Variants in ADCY7 observed in about 807,000 individuals in gnomAD.
ADCY7 encodes the protein adenylate cyclase type 7.
ADCY7 carries 72 observed loss-of-function variants against 120.6 expected under a neutral mutation model. That is an observed-to-expected ratio of 0.60 (90% confidence interval 0.49 to 0.73). The LOEUF is 0.73. Ranked by LOEUF, ADCY7 falls within the 30% of genes least tolerant of loss-of-function variation. The pLI is 0.00. For synonymous variants in ADCY7, 661 were observed against 628.0 expected, an observed-to-expected ratio of 1.05 and a Z score of -0.78; for missense variants, 1,227 against 1,486.0, an observed-to-expected ratio of 0.83 and a Z score of 2.87.
At chr16:50,313,648 G>A (rs1156769977) in intron 22 of ADCY7, 1 of 318,614 alleles carries the variant, frequency 3.1e-6, no homozygotes, top group African/African-American at 2.1e-5. Context: ...ATCAGTTTGG[G>A]TTGAATTCTT....
chr16:50,282,545 AG>A (rs2150911333), intron 1 of ADCY7, among the ~76,000 whole-genome samples: 1 of 152,274 alleles, frequency 6.6e-6, no homozygotes, highest in African/African-American at 2.4e-5. Flanking sequence ...TGCAAGGCAG[AG>A]GGAAGTAATT....
rs1355819061 is a variant in ADCY7, at chr16:50,297,633, A to G, written c.949-1271A>G. ...GCCAGGGATGGTTCCCAGGCTGGGC[A>G]GGTGCAGGGGACCTGGAGGCAGGGC... On this transcript the variant is annotated intron_variant, in intron 7 of 25. Coordinates refer to ENST00000673801, the MANE Select transcript of ADCY7 (RefSeq NM_001114.5). This position sits in a 1 kb window ranked among gnomAD's most constrained non-coding sequence, Gnocchi z 4.4. Among the ~76,000 whole-genome samples the G allele has an allele frequency of 5.9e-5, 9 of 152,208 alleles. No homozygotes were observed. In the South Asian group the frequency reaches 6.2e-4, roughly 11 times the overall value.
At chr16:50,268,643 C>T (rs1470353853) in intron 1 of ADCY7, among the ~76,000 whole-genome samples, 1 of 152,168 alleles carries the variant, frequency 6.6e-6, no homozygotes, top group Non-Finnish European at 1.5e-5. Flanking sequence ...GGTGGTATTG[C>T]AGAACATCTT....
Position 50,310,887 on chromosome 16 carries a change from T to C in ADCY7, c.2354+7T>C, listed in dbSNP as rs938127131. 1 of 1,582,812 alleles carries C rather than the reference T, an allele frequency of 6.3e-7. No homozygotes were observed. The highest frequency in any genetic ancestry group is 1.1e-5 in the South Asian group (1 of 87,776). On this transcript the variant is annotated splice_region_variant and intron_variant, in intron 19 of 25. Transcript: ENST00000673801. The stretch of plus-strand genomic sequence containing the variant: ...AGCCCAACGGCACCACCAGGTGGGG[T>C]CCCGCCCGTCCCCGTCCCCATCCCC...
chr16:50,293,767 G>T (rs1365779800), intron 6 of ADCY7, among the ~76,000 whole-genome samples: 2 of 152,174 alleles, frequency 1.3e-5, no homozygotes, highest in African/African-American at 4.8e-5. Context: ...CTGTAAAACT[G>T]TGTGAGCAAA....
intron 2 of ADCY7, chr16:50,289,158 C>A (rs2034776362): frequency 6.4e-6 from 2 of 314,728 alleles, no homozygotes; most frequent in Admixed American, 4.6e-5. Flanking sequence ...ACATTCCACA[C>A]TGAGCCTGTC....
At chr16:50,286,429 C>CCG in intron 1 of ADCY7, among the ~76,000 whole-genome samples, 1 of 112,340 alleles carries the variant, frequency 8.9e-6, no homozygotes, top group Non-Finnish European at 1.8e-5. Context: ...GACCCCATCT[C>CCG]AAAAAAAAAA....
At chr16:50,278,815 G>A (rs2150885817) in intron 1 of ADCY7, among the ~76,000 whole-genome samples, 1 of 151,744 alleles carries the variant, frequency 6.6e-6, no homozygotes, top group African/African-American at 2.4e-5. Flanking sequence ...CTTCAGGACA[G>A]TGGTTACTCT....
intron 7 of ADCY7, among the ~76,000 whole-genome samples, chr16:50,296,807 G>A (rs114618442): frequency 0.013 from 2,023 of 152,306 alleles, 52 homozygotes; most frequent in African/African-American, 0.046. Flanking sequence ...GCTCCCTGTT[G>A]CAGGGGGTAA....
intron 22 of ADCY7, 147 bp downstream of exon 22, chr16:50,313,183 A>G: frequency 9.3e-7 from 1 of 1,079,836 alleles, no homozygotes; most frequent in Non-Finnish European, 1.3e-6. Context: ...TTGGGAGGTC[A>G]AGGTGGGTGG....
intron 23 of ADCY7, 78 bp from the exon 24 acceptor site, chr16:50,314,211 TCAA>T (rs1390443355): frequency 6.8e-7 from 1 of 1,465,918 alleles, no homozygotes; most frequent in African/African-American, 1.4e-5. Flanking sequence ...GTGGGGATCC[TCAA>T]CAAGAGTGGC....
chr16:50,286,073 C>A (rs1001884233), intron 1 of ADCY7, among the ~76,000 whole-genome samples: 4 of 151,998 alleles, frequency 2.6e-5, no homozygotes, highest in Admixed American at 6.6e-5. Flanking sequence ...TTGCAGACAT[C>A]TGAAATTTGT....
chr16:50,292,611 G>T (rs2150972022), intron 4 of ADCY7, 65 bp from the exon 5 acceptor site: 1 of 1,583,438 alleles, frequency 6.3e-7, no homozygotes, highest in Non-Finnish European at 8.6e-7. Flanking sequence ...TCCGCCTAGG[G>T]GTCTGGTGCC....
At chr16:50,311,025 C>A in intron 19 of ADCY7, 145 bp downstream of exon 19, 1 of 859,264 alleles carries the variant, frequency 1.2e-6, no homozygotes, top group Non-Finnish European at 1.7e-6. Flanking sequence ...CGCTCAGAGC[C>A]GAGGAATTCA....
Position 50,313,015 on chromosome 16 carries a change from G to A in ADCY7, c.2730G>A (p.Glu910=). Residue 910 remains glutamate (E), a synonymous_variant, in exon 22 of 26, where the codon GAG becomes GAA. Coordinates refer to ENST00000673801, the MANE Select transcript of ADCY7 (RefSeq NM_001114.5). ...EGLECLRLLN[E]IIADFDELLL... Reference sequence around the variant, plus strand: ...TGGAGTGCCTACGCCTGCTCAATGAGATCATTGCCGACTTCGACGAGGTAC... The same window carrying A: ...TGGAGTGCCTACGCCTGCTCAATGAAATCATTGCCGACTTCGACGAGGTAC... 6.2e-7 allele frequency: 1 copy of A among 1,614,232 alleles called. No individual in the cohort carries two copies. The highest frequency in any genetic ancestry group is 8.5e-7 in the Non-Finnish European group (1 of 1,180,038).
In ADCY7 at chr16:50,314,216, A is replaced by G. The variant is rs74017349; in HGVS notation, c.2857-76A>G. 4.2e-3 allele frequency: 6,299 copies of G among 1,483,036 alleles called. 218 individuals are homozygous for G. In the African/African-American group the frequency reaches 0.076, roughly 18 times the overall value. The allele number at this position is 1,483,036 out of a possible 1,614,324, so 91.9% of individuals were successfully genotyped here. On this transcript the variant is annotated intron_variant, in intron 23 of 25. Coordinates refer to ENST00000673801, the MANE Select transcript of ADCY7 (RefSeq NM_001114.5). The stretch of plus-strand genomic sequence containing the variant: ...GATTTTAGTGGTGGGGATCCTCAAC[A>G]AGAGTGGCGCGCCAGGGCCCACTAG...
intron 25 of ADCY7, 71 bp from the exon 26 acceptor site, chr16:50,315,288 T>A: frequency 6.3e-7 from 1 of 1,575,054 alleles, no homozygotes; most frequent in Non-Finnish European, 8.7e-7. Flanking sequence ...GCCTGGGCAG[T>A]CTCTATCTGT....
chr16:50,305,890 C>G (rs1379558917), intron 14 of ADCY7, 41 bp downstream of exon 14: 1 of 1,599,094 alleles, frequency 6.3e-7, no homozygotes, highest in African/African-American at 1.3e-5. Context: ...GGGACGGGGT[C>G]TCCAGGCCTG....
At chr16:50,251,235 G>T (rs1158723588) in intron 1 of ADCY7, among the ~76,000 whole-genome samples, 2 of 149,498 alleles carry the variant, frequency 1.3e-5, no homozygotes, top group Admixed American at 6.7e-5. Flanking sequence ...GCGAGACCCT[G>T]ATTTAAAAAA....
Sources: allele counts gnomAD v4.1 joint callset (sites outside exome capture counted in the v4.1 genomes callset), GRCh38; gene constraint gnomAD v4.1.1; non-coding constraint Gnocchi (gnomAD v3.1); transcripts MANE v1.5; gene names NCBI Gene and HGNC (gene_info 2026-07-23, HGNC 2026-07-21).